The following STXBP5L variants were observed in gnomAD, a reference collection of about 807,000 sequenced individuals.
The protein encoded by STXBP5L is syntaxin-binding protein 5-like.
STXBP5L carries 65 observed loss-of-function variants against 144.5 expected under a neutral mutation model. The ratio of observed to expected loss-of-function variants is 0.45; its 90% CI spans 0.37 to 0.55. The LOEUF (loss-of-function observed/expected upper bound fraction) is 0.55. STXBP5L is among the 20% of genes least tolerant of loss of function. The pLI, the probability that STXBP5L is intolerant of heterozygous loss-of-function variation, is 0.00. For missense variants in STXBP5L, 1,298 were observed against 1,405.5 expected (o/e 0.92, Z 1.22); for synonymous variants, 505 against 469.6 (o/e 1.08, Z -0.97).
intron 5 of STXBP5L, among the ~76,000 whole-genome samples, chr3:121,066,464 G>A (rs536844720): frequency 1.3e-5 from 2 of 151,738 alleles, no homozygotes; most frequent in South Asian, 2.1e-4. Context: ...CTATTGAGAT[G>A]AGCATGTAAT....
chr3:120,986,664 T>C lies in STXBP5L; in HGVS notation c.287+31627T>C, dbSNP rs987717001. Among the ~76,000 whole-genome samples, 8 of 151,922 alleles carry C rather than the reference T, an allele frequency of 5.3e-5. No homozygotes were observed. The East Asian group carries it at 1.5e-3, about 29-fold the overall frequency. ...TCTAATATTAGTATAGACACACCTG[T>C]TCTGATAACATGTTGAAAAAACTAA... is the stretch of plus-strand genomic sequence containing the variant. On this transcript the variant is annotated intron_variant, in intron 3 of 26. Coordinates refer to ENST00000471454, the MANE Select transcript of STXBP5L (RefSeq NM_001308330.2).
At chr3:121,169,566 ACTTT>A (rs2046629529) in intron 9 of STXBP5L, among the ~76,000 whole-genome samples, 1 of 152,218 alleles carries the variant, frequency 6.6e-6, no homozygotes, top group Non-Finnish European at 1.5e-5. Flanking sequence ...GATAAAACAG[ACTTT>A]AAACCAACAA....
chr3:121,338,114 A>C (rs1324808128), intron 20 of STXBP5L, among the ~76,000 whole-genome samples: 1 of 152,164 alleles, frequency 6.6e-6, no homozygotes, highest in African/African-American at 2.4e-5. Context: ...GAAATGAAAC[A>C]AATTGGCAAC....
In STXBP5L at chr3:121,418,473, A is replaced by C. The variant is rs1388557671; in HGVS notation, c.3363A>C (p.Glu1121Asp). The change falls in exon 26 of 27, where the codon GAA becomes GAC. Residue 1121 changes from glutamate (E) to aspartate (D), a missense_variant. By Grantham distance (45) the Glu-to-Asp change is conservative. Transcript: ENST00000471454. ...ELTRARIALD[E>D]RGQRLGELEE... ...CCCGTGCACGGATTGCACTTGATGAAAGAGGACAGAGGCTAGGAGAGCTGG... is the reference window on the plus strand; with the variant it reads ...CCCGTGCACGGATTGCACTTGATGACAGAGGACAGAGGCTAGGAGAGCTGG... 6.2e-7 allele frequency: 1 copy of C among 1,613,998 alleles called. No homozygotes were observed. Among genetic ancestry groups the C allele is most frequent in the African/African-American group, 1.3e-5 (1 of 74,934 alleles).
chr3:121,360,598 C>A (rs552204037), intron 20 of STXBP5L, among the ~76,000 whole-genome samples: 7 of 151,916 alleles, frequency 4.6e-5, no homozygotes, highest in Non-Finnish European at 7.4e-5. Flanking sequence ...ATGAGGCATG[C>A]GAATACTATC....
chr3:121,064,769 T>C (rs2041461168), intron 5 of STXBP5L, among the ~76,000 whole-genome samples: 1 of 152,226 alleles, frequency 6.6e-6, no homozygotes. Context: ...AGAGGATGCA[T>C]GGGCATGTTT....
At chr3:121,386,456 G>T (rs999592017) in intron 22 of STXBP5L, among the ~76,000 whole-genome samples, 2 of 152,194 alleles carry the variant, frequency 1.3e-5, no homozygotes, top group Middle Eastern at 3.4e-3. Context: ...ACCATGTGCA[G>T]GTTTGATACA....
At chr3:120,952,168 T>G (rs28609295) in intron 2 of STXBP5L, among the ~76,000 whole-genome samples, 15,207 of 117,802 alleles carry the variant, frequency 0.13, 764 homozygotes, top group Admixed American at 0.24. Context: ...GGTGGGGGGA[T>G]GGGGGAGGGA....
chr3:121,228,410 G>A (rs1422784323), intron 11 of STXBP5L, among the ~76,000 whole-genome samples: 2 of 152,148 alleles, frequency 1.3e-5, no homozygotes, highest in South Asian at 2.1e-4. Context: ...AAGTTATACC[G>A]AGTAAAACAT....
At chr3:121,180,310 A>G (rs1194863178) in intron 9 of STXBP5L, among the ~76,000 whole-genome samples, 1 of 152,236 alleles carries the variant, frequency 6.6e-6, no homozygotes, top group East Asian at 1.9e-4. Flanking sequence ...AATACTTGTT[A>G]GCCAAGAATT....
intron 9 of STXBP5L, among the ~76,000 whole-genome samples, chr3:121,198,996 A>C (rs2048030894): frequency 6.6e-6 from 1 of 152,140 alleles, no homozygotes; most frequent in Non-Finnish European, 1.5e-5. Context: ...ATGAAATTTA[A>C]AGTAGATTTT....
intron 9 of STXBP5L, among the ~76,000 whole-genome samples, chr3:121,185,598 G>T (rs148198496): frequency 6.6e-5 from 10 of 152,162 alleles, no homozygotes; most frequent in South Asian, 4.2e-4. Context: ...GTCAAAGATC[G>T]GATGGTTGTA....
chr3:121,247,566 G>A (rs2049895355), intron 14 of STXBP5L, among the ~76,000 whole-genome samples: 2 of 152,142 alleles, frequency 1.3e-5, no homozygotes. Flanking sequence ...GTGAGAACAT[G>A]TGGTATTTAG....
At chr3:121,390,087 A>G (rs911707636) in intron 22 of STXBP5L, among the ~76,000 whole-genome samples, 5 of 152,190 alleles carry the variant, frequency 3.3e-5, no homozygotes, top group African/African-American at 9.7e-5. Context: ...GGGTTCATAT[A>G]TATTTAGGAA....
At chr3:121,312,565 T>A (rs1249300217) in intron 19 of STXBP5L, among the ~76,000 whole-genome samples, 2 of 141,742 alleles carry the variant, frequency 1.4e-5, no homozygotes, top group African/African-American at 2.7e-5. Flanking sequence ...GATAAACAAG[T>A]GAACAAAGGT....
intron 6 of STXBP5L, among the ~76,000 whole-genome samples, chr3:121,116,876 A>C: frequency 6.6e-6 from 1 of 152,000 alleles, no homozygotes; most frequent in East Asian, 1.9e-4. Flanking sequence ...TGAACAAGAG[A>C]AGATTCAGTT....
chr3:121,245,573 G>T (rs918412394), intron 14 of STXBP5L, among the ~76,000 whole-genome samples: 17 of 152,120 alleles, frequency 1.1e-4, no homozygotes, highest in African/African-American at 2.9e-4. Context: ...TAGATTTAAG[G>T]ACACACATAG....
chr3:121,344,017 A>G (rs2044843117), intron 20 of STXBP5L, among the ~76,000 whole-genome samples: 1 of 152,136 alleles, frequency 6.6e-6, no homozygotes, highest in South Asian at 2.1e-4. Flanking sequence ...AGCTACAGTA[A>G]CCAAAACAGC....
In STXBP5L at chr3:121,156,082, T is replaced by A. The variant is rs144818946; in HGVS notation, c.754-1422T>A. Among the ~76,000 whole-genome samples the A allele has an allele frequency of 4.1e-3, 616 of 152,012 alleles. 2 individuals carry two copies. Among genetic ancestry groups the A allele is most frequent in the African/African-American group, 0.014 (580 of 41,534 alleles). On this transcript the variant is annotated intron_variant, in intron 8 of 26. Coordinates refer to ENST00000471454, the MANE Select transcript of STXBP5L (RefSeq NM_001308330.2). ...GAAAAAAAGTATTTTATCTCTAACT[T>A]CCTCTGCTGGACCCTAGCAAAAAAG...
Sources: gnomAD v4.1 joint callset for allele counts (sites outside exome capture counted in the v4.1 genomes callset) on GRCh38, gnomAD v4.1.1 for gene constraint, MANE v1.5 for transcripts, NCBI Gene and HGNC (gene_info 2026-07-23, HGNC 2026-07-21) for gene names.